LUC7L: variants seen among roughly 807,000 people sequenced by gnomAD.
The protein encoded by LUC7L is putative RNA-binding protein Luc7-like 1.
In LUC7L, 29 loss-of-function variants were observed where a neutral mutation model predicts 51.1. That is an observed-to-expected ratio of 0.57 (90% CI 0.42 to 0.77). The LOEUF is 0.77. Ranked by LOEUF, LUC7L falls within the 30% of genes least tolerant of loss-of-function variation. The pLI, the probability that LUC7L is intolerant of heterozygous loss-of-function variation, is 0.00. For synonymous variants in LUC7L, 181 were observed against 180.7 expected, an observed-to-expected ratio of 1.00 and a Z score of -0.01; for missense variants, 403 against 511.9, an observed-to-expected ratio of 0.79 and a Z score of 2.05.
chr16:227,296 A>C lies in LUC7L; in HGVS notation c.102T>G (p.Arg34=), dbSNP rs2050156197. Residue 34 remains arginine (R), a synonymous_variant, in exon 2 of 10, where the codon CGT becomes CGG. Coordinates refer to ENST00000293872, the MANE Select transcript of LUC7L (RefSeq NM_201412.3). ...AGTCCAGAAGGTGACTCTTGCAGAC[A>C]CGGTCATCTGTAAACTTGACCCTCT... is the stretch of plus-strand genomic sequence containing the variant. ...TRQRVKFTDD[R]VCKSHLLDCC... is the part of the protein sequence containing the mutation. 1 of 1,612,558 alleles carries C rather than the reference A, an allele frequency of 6.2e-7. No individual in the cohort carries two copies. The highest frequency in any genetic ancestry group is 1.1e-5 in the South Asian group (1 of 90,704).
At position 228,035 on chromosome 16, in the gene LUC7L, T is replaced by C; in HGVS notation, c.62-699A>G. 5 of 1,128,222 alleles carry C rather than the reference T, an allele frequency of 4.4e-6. No individual in the cohort carries two copies. The South Asian group carries it at 8.2e-5, about 19-fold the overall frequency. The allele number at this position is 1,128,222 out of a possible 1,614,324, so 69.9% of individuals were successfully genotyped here. A position where few individuals can be genotyped will look rare whatever the true frequency, so the allele number is the denominator to read the frequency against. ...AGCTGCAGAATTTTATGCCCGCTGT[T>C]GAAAAGTGTTAAAGGAAAAGTTTTC... is the stretch of plus-strand genomic sequence containing the variant. On this transcript the variant is annotated intron_variant, in intron 1 of 9. Transcript: ENST00000293872.
intron 2 of LUC7L, among the ~76,000 whole-genome samples, chr16:225,985 T>C (rs1263516647): frequency 7.8e-6 from 1 of 128,196 alleles, no homozygotes; most frequent in Non-Finnish European, 1.8e-5. Flanking sequence ...GAATTCCAAG[T>C]TGTGCATCCT....
At position 214,124 on chromosome 16, in the gene LUC7L, A is replaced by G. The variant is rs1289393956; in HGVS notation, c.256-5936T>C. ...GCTCTGTCGCCCAGGCTAGAGTGCA[A>G]TGGCACGATCTCGGCTCACTGCAAC... On this transcript the variant is annotated intron_variant, in intron 3 of 9. Transcript: ENST00000293872. 6.7e-5 allele frequency among the ~76,000 whole-genome samples: 10 copies of G among 149,590 alleles called. No homozygotes were observed. The Admixed American group carries it at 6.7e-4, about 10-fold the overall frequency.
At chr16:200,958 G>A (rs1020867660) in intron 5 of LUC7L, among the ~76,000 whole-genome samples, 1 of 151,888 alleles carries the variant, frequency 6.6e-6, no homozygotes, top group African/African-American at 2.4e-5. Flanking sequence ...GCCAAGGCAG[G>A]TGGATCACAA....
At position 220,692 on chromosome 16, in the gene LUC7L, T is replaced by C. The variant is rs749129676; in HGVS notation, c.212A>G (p.Tyr71Cys). The C allele has an allele frequency of 6.2e-7, 1 of 1,614,100 alleles. No homozygotes were observed. Among genetic ancestry groups the C allele is most frequent in the Non-Finnish European group, 8.5e-7 (1 of 1,179,958 alleles). ...GTCTCTTTCTTTACTTGCAATCTCA[T>C]AATCTGCTCGGAGGGCCAAGTCGTG... Reference protein sequence around the residue: ...KIHDLALRADYEIASKERDLF... With the variant: ...KIHDLALRADCEIASKERDLF... Residue 71 changes from tyrosine to cysteine, a missense_variant, in exon 3 of 10, where the codon TAT becomes TGT. Transcript: ENST00000293872.
In LUC7L at chr16:194,294, A is replaced by G. The variant is rs533223369; in HGVS notation, c.688-1279T>C. Among the ~76,000 whole-genome samples, 20 of 152,250 alleles carry G rather than the reference A, an allele frequency of 1.3e-4. No homozygotes were observed. In the East Asian group the frequency reaches 3.9e-3, roughly 29 times the overall value. On this transcript the variant is annotated intron_variant, in intron 6 of 9. Transcript: ENST00000293872. ...TAATCTTTAAACATTTTTTATGGAG[A>G]TGGAATCTTGCTATGTTGCCCAGGC...
chr16:197,303 T>A (rs1300220545), intron 6 of LUC7L, among the ~76,000 whole-genome samples: 1 of 139,552 alleles, frequency 7.2e-6, no homozygotes, highest in African/African-American at 2.7e-5. Context: ...TACCTCTGCC[T>A]CCCAGGTCAA....
chr16:228,945 T>A, intron 1 of LUC7L: 2 of 1,400,164 alleles, frequency 1.4e-6, no homozygotes, highest in South Asian at 2.4e-5. Flanking sequence ...GAGCCCACGC[T>A]GATTCCAGCC....
chr16:214,131 G>C (rs1018849248), intron 3 of LUC7L, among the ~76,000 whole-genome samples: 1 of 150,918 alleles, frequency 6.6e-6, no homozygotes, highest in African/African-American at 2.4e-5. Context: ...GCAATGGCAC[G>C]ATCTCGGCTC....
rs548499435 is a variant in LUC7L at position 210,612 on chromosome 16, C to G, written c.256-2424G>C. 1.1e-4 allele frequency among the ~76,000 whole-genome samples: 17 copies of G among 152,272 alleles called. No individual in the cohort carries two copies. In the East Asian group the frequency reaches 1.7e-3, roughly 16 times the overall value. ...TCAAGCTGAGCAATCAATCACCAAC[C>G]TGAGACAGATTCAGGGATTCACTCG... On this transcript the variant is annotated intron_variant, in intron 3 of 9. Transcript: ENST00000293872.
chr16:196,104 T>TA (rs113858900), intron 6 of LUC7L, among the ~76,000 whole-genome samples: 9,210 of 149,174 alleles, frequency 0.062, 295 homozygotes, highest in Middle Eastern at 0.075. Flanking sequence ...TTGCAGATAT[T>TA]AAAAAAAAAA....
At chr16:212,916 T>C (rs2049685150) in intron 3 of LUC7L, among the ~76,000 whole-genome samples, 1 of 152,006 alleles carries the variant, frequency 6.6e-6, no homozygotes, top group Non-Finnish European at 1.5e-5. Flanking sequence ...CAGGTAGGAC[T>C]ATAGGAACAC....
chr16:202,930 T>C (rs1398464231), intron 5 of LUC7L, among the ~76,000 whole-genome samples: 10 of 152,092 alleles, frequency 6.6e-5, no homozygotes, highest in Non-Finnish European at 1.3e-4. Context: ...GGTGGATCAC[T>C]TGAGGTCAGG....
intron 3 of LUC7L, chr16:208,719 T>C: frequency 2.8e-6 from 2 of 724,918 alleles, no homozygotes; most frequent in Non-Finnish European, 3.4e-6. Flanking sequence ...TACATTTTGT[T>C]ATTGCCTACT....
intron 5 of LUC7L, among the ~76,000 whole-genome samples, chr16:204,442 A>C (rs1383720405): frequency 6.6e-6 from 1 of 151,986 alleles, no homozygotes; most frequent in Non-Finnish European, 1.5e-5. Context: ...AAGTACAAAA[A>C]AATTAGCCGG....
intron 3 of LUC7L, among the ~76,000 whole-genome samples, chr16:215,639 A>G (rs972093399): frequency 2.0e-5 from 3 of 151,000 alleles, no homozygotes; most frequent in African/African-American, 7.3e-5. Flanking sequence ...AAAAAAAAAA[A>G]GAAAATACAG....
At chr16:208,216 A>C in intron 3 of LUC7L, 28 bp from the exon 4 acceptor site, 2 of 1,475,098 alleles carry the variant, frequency 1.4e-6, no homozygotes, top group Non-Finnish European at 1.9e-6. Context: ...CAGCGCTATA[A>C]TCAATGATGT....
chr16:192,894 T>C (rs1567172055), intron 7 of LUC7L, 33 bp downstream of exon 7: 2 of 1,571,138 alleles, frequency 1.3e-6, no homozygotes, highest in Non-Finnish European at 1.7e-6. Context: ...CCGAGGCCAA[T>C]GCAGGCCATC....
chr16:219,921 T>A (rs1596671988), intron 3 of LUC7L, among the ~76,000 whole-genome samples: 1 of 149,704 alleles, frequency 6.7e-6, no homozygotes, highest in Non-Finnish European at 1.5e-5. Context: ...AACTACTGAG[T>A]ACTAAAAAAA....
Sources: allele counts gnomAD v4.1 joint callset (sites outside exome capture counted in the v4.1 genomes callset), GRCh38; gene constraint gnomAD v4.1.1; transcripts MANE v1.5; gene names NCBI Gene and HGNC (gene_info 2026-07-23, HGNC 2026-07-21).